MMAA: variants seen among roughly 807,000 people sequenced by gnomAD.
MMAA encodes methylmalonic aciduria type A protein, mitochondrial.
MMAA carries 41 observed loss-of-function variants against 45.0 expected under a neutral mutation model. The ratio of observed to expected loss-of-function variants is 0.91; its 90% CI spans 0.71 to 1.18. The LOEUF (loss-of-function observed/expected upper bound fraction) is 1.18, where lower values mean the gene tolerates loss of function less well. Ranked by LOEUF, MMAA falls within the 50% of genes most tolerant of loss-of-function variation. The pLI, the probability that MMAA is intolerant of heterozygous loss-of-function variation, is 0.00. For missense variants in MMAA, 460 were observed against 495.7 expected (o/e 0.93, Z 0.68); for synonymous variants, 154 against 178.2 (o/e 0.86, Z 1.08).
chr4:145,631,549 T>C (rs550855858), intron 1 of MMAA, among the ~76,000 whole-genome samples: 13 of 152,192 alleles, frequency 8.5e-5, no homozygotes, highest in Non-Finnish European at 1.8e-4. Context: ...ATAAGTGAAG[T>C]GGGCTTCCTA....
chr4:145,655,115 G>C, intron 6 of MMAA, 32 bp from the exon 7 acceptor site: 1 of 1,612,896 alleles, frequency 6.2e-7, no homozygotes, highest in Non-Finnish European at 8.5e-7. Flanking sequence ...ATCATTTTAA[G>C]TAAAATGGTC....
intron 5 of MMAA, among the ~76,000 whole-genome samples, 155 bp from the exon 6 acceptor site, chr4:145,653,839 G>A (rs1451797149): frequency 6.6e-6 from 1 of 152,226 alleles, no homozygotes. Context: ...CAATGCTTTT[G>A]AGTAATTTCT....
intron 1 of MMAA, among the ~76,000 whole-genome samples, chr4:145,629,398 G>C (rs1268709025): frequency 6.6e-6 from 1 of 152,046 alleles, no homozygotes; most frequent in African/African-American, 2.4e-5. Context: ...ATCCCACTTG[G>C]TCATGATTAA....
At chr4:145,622,325 G>C (rs1734104728) in intron 1 of MMAA, among the ~76,000 whole-genome samples, 1 of 152,168 alleles carries the variant, frequency 6.6e-6, no homozygotes, top group African/African-American at 2.4e-5. Context: ...CTTCAGCCAT[G>C]ATTGTGAGGC....
rs1728221423 is a variant in MMAA, at chr4:145,656,072, A to C, written c.*638A>C. On this transcript the variant is annotated 3_prime_UTR_variant, in exon 7 of 7. Coordinates refer to ENST00000649156, the MANE Select transcript of MMAA (RefSeq NM_172250.3). Reference sequence around the variant, plus strand: ...AAGGGAACTGGGAAAAATCAGCTACAAATAAAATGGGTGACTAATCCCCAG... The same window carrying C: ...AAGGGAACTGGGAAAAATCAGCTACCAATAAAATGGGTGACTAATCCCCAG... The C allele has an allele frequency of 6.6e-6, 1 of 152,214 alleles. No individual in the cohort carries two copies. The highest frequency in any genetic ancestry group is 2.4e-5 in the African/African-American group (1 of 41,454). The allele number at this position is 152,214 out of a possible 1,614,324, so 9.4% of individuals were successfully genotyped here. A position where few individuals can be genotyped will look rare whatever the true frequency, so the allele number is the denominator to read the frequency against.
intron 6 of MMAA, 129 bp from the exon 7 acceptor site, chr4:145,655,018 A>G: frequency 3.1e-6 from 3 of 963,366 alleles, no homozygotes; most frequent in Middle Eastern, 3.3e-4. Context: ...TGACACAGCA[A>G]TAAAATCTCA....
At chr4:145,649,566 A>G (rs1323717747) in intron 4 of MMAA, among the ~76,000 whole-genome samples, 1 of 152,146 alleles carries the variant, frequency 6.6e-6, no homozygotes, top group Non-Finnish European at 1.5e-5. Flanking sequence ...TCTTTAAAAA[A>G]CTTTTCTGGG....
chr4:145,636,786 A>G (rs1302358345), intron 1 of MMAA, among the ~76,000 whole-genome samples: 1 of 152,148 alleles, frequency 6.6e-6, no homozygotes, highest in Non-Finnish European at 1.5e-5. Flanking sequence ...CTTTGATGTC[A>G]CGTATTTTAT....
At position 145,639,096 on chromosome 4, in the gene MMAA, C is replaced by T. The variant is rs1432440591; in HGVS notation, c.-44C>T. 1 of 1,591,498 alleles carries T rather than the reference C, an allele frequency of 6.3e-7. No homozygotes were observed. The highest frequency in any genetic ancestry group is 1.3e-5 in the African/African-American group (1 of 74,610). On this transcript the variant is annotated 5_prime_UTR_variant, in exon 2 of 7. Coordinates refer to ENST00000649156, the MANE Select transcript of MMAA (RefSeq NM_172250.3). ...CTAGGGAGGTCACAATCACATTGAG[C>T]CAAAACGCATCCAGTGTTTTCTCCA...
At position 145,639,229 on chromosome 4, in the gene MMAA, AAGTACTCATC is replaced by A; in HGVS notation, c.91_100del (p.Thr32AspfsTer27). The stretch of plus-strand genomic sequence containing the variant: ...GATGTTACCACTTCATCTTTCACTC[AAGTACTCATC>A]TCGGATCAGGAATCCCATGTGCTCA... On this transcript the variant is annotated frameshift_variant, in exon 2 of 7. Coordinates refer to ENST00000649156, the MANE Select transcript of MMAA (RefSeq NM_172250.3). LOFTEE classifies it high-confidence loss of function. 9 of 1,614,112 alleles carry A rather than the reference AAGTACTCATC, an allele frequency of 5.6e-6. No homozygotes were observed. Among genetic ancestry groups the A allele is most frequent in the Non-Finnish European group, 7.6e-6 (9 of 1,180,008 alleles).
At chr4:145,625,936 C>T (rs1488600599) in intron 1 of MMAA, 1 of 1,593,204 alleles carries the variant, frequency 6.3e-7, no homozygotes, top group African/African-American at 1.3e-5. Flanking sequence ...GCCTGGAGAA[C>T]TCCACCAATA....
intron 4 of MMAA, among the ~76,000 whole-genome samples, chr4:145,648,090 A>G (rs1390637772): frequency 7.1e-6 from 1 of 141,114 alleles, no homozygotes; most frequent in Non-Finnish European, 1.5e-5. Flanking sequence ...CGAACTCCTG[A>G]CCTTGTGATC....
chr4:145,647,776 T>C (rs1411061423), intron 4 of MMAA, among the ~76,000 whole-genome samples: 3 of 152,226 alleles, frequency 2.0e-5, no homozygotes, highest in Non-Finnish European at 1.5e-5. Context: ...CTCATTTAAT[T>C]GCTTCTTTCA....
At chr4:145,629,454 T>C (rs1734278946) in intron 1 of MMAA, among the ~76,000 whole-genome samples, 1 of 152,242 alleles carries the variant, frequency 6.6e-6, no homozygotes, top group Non-Finnish European at 1.5e-5. Flanking sequence ...AGTATTTTAT[T>C]GAGGACTTTT....
intron 1 of MMAA, among the ~76,000 whole-genome samples, chr4:145,638,095 C>A (rs1393706628): frequency 6.6e-6 from 1 of 152,152 alleles, no homozygotes. Context: ...TATGGCCGGG[C>A]GTGGGGGCTC....
At chr4:145,634,213 A>G (rs1356408880) in intron 1 of MMAA, among the ~76,000 whole-genome samples, 1 of 152,156 alleles carries the variant, frequency 6.6e-6, no homozygotes, top group Admixed American at 6.5e-5. Context: ...CCTGGAGTCA[A>G]AAACTCTGGA....
In MMAA at chr4:145,657,510, T is replaced by A. The variant is rs181194454; in HGVS notation, c.*2076T>A. The stretch of plus-strand genomic sequence containing the variant: ...GGCAGATCTCAGCTCTATCACTAAC[T>A]AGCTATATGATATTTGGCAAGTTTT... On this transcript the variant is annotated 3_prime_UTR_variant, in exon 7 of 7. Transcript: ENST00000649156. The A allele has an allele frequency of 6.6e-6, 1 of 152,294 alleles. No individual in the cohort carries two copies. The highest frequency in any genetic ancestry group is 1.5e-5 in the Non-Finnish European group (1 of 68,022). The allele number at this position is 152,294 out of a possible 1,614,324, so 9.4% of individuals were successfully genotyped here.
At position 145,659,117 on chromosome 4, in the gene MMAA, C is replaced by T. The variant is rs1728320863; in HGVS notation, c.*3683C>T. ...AAAACTTTCCTTTAAAAGGAACAAT[C>T]AGAAAAACTCTTTAACAAATGTTTT... On this transcript the variant is annotated 3_prime_UTR_variant, in exon 7 of 7. Coordinates refer to ENST00000649156, the MANE Select transcript of MMAA (RefSeq NM_172250.3). 6.6e-6 allele frequency: 1 copy of T among 152,134 alleles called. No homozygotes were observed. The highest frequency in any genetic ancestry group is 2.4e-5 in the African/African-American group (1 of 41,430). 9.4% of individuals were successfully genotyped at this position (152,134 alleles called of 1,614,324 possible).
At chr4:145,635,356 G>T (rs1727583456) in intron 1 of MMAA, among the ~76,000 whole-genome samples, 1 of 152,158 alleles carries the variant, frequency 6.6e-6, no homozygotes, top group Admixed American at 6.5e-5. Flanking sequence ...GCTATAACAG[G>T]GCGGCACTGA....
Sources: allele counts gnomAD v4.1 joint callset (sites outside exome capture counted in the v4.1 genomes callset), GRCh38; gene constraint gnomAD v4.1.1; transcripts MANE v1.5; gene names NCBI Gene and HGNC (gene_info 2026-07-23, HGNC 2026-07-21).